Variants in POU2F1 observed in about 807,000 individuals in gnomAD.
POU2F1 encodes POU class 2 homeobox 1.
POU2F1 carries 16 observed loss-of-function variants against 84.9 expected under a neutral mutation model. The ratio of observed to expected loss-of-function variants is 0.19; its 90% CI spans 0.13 to 0.29. The LOEUF is 0.29. POU2F1 is among the 10% of genes least tolerant of loss of function. POU2F1 has a pLI of 1.00. For synonymous variants in POU2F1, 368 were observed against 368.3 expected (o/e 1.00, Z 0.01); for missense variants, 738 against 942.6 (o/e 0.78, Z 2.84).
At chr1:167,316,967 C>T (rs1223748828) in intron 1 of POU2F1, among the ~76,000 whole-genome samples, 1 of 152,194 alleles carries the variant, frequency 6.6e-6, no homozygotes, top group African/African-American at 2.4e-5. Context: ...TCTAGGCTCA[C>T]TGCAACTTCT....
chr1:167,240,528 T>A (rs1557838617), intron 1 of POU2F1, among the ~76,000 whole-genome samples: 1 of 152,214 alleles, frequency 6.6e-6, no homozygotes, highest in Non-Finnish European at 1.5e-5. Flanking sequence ...GGATTCCTGC[T>A]GTTCCTGATT....
intron 1 of POU2F1, among the ~76,000 whole-genome samples, chr1:167,259,005 C>T (rs1427996113): frequency 6.6e-6 from 1 of 152,172 alleles, no homozygotes; most frequent in Non-Finnish European, 1.5e-5. Flanking sequence ...GTTTTTATTG[C>T]TCATGTGACT....
intron 2 of POU2F1, 123 bp downstream of exon 2, chr1:167,332,658 T>C (rs1172091208): frequency 1.5e-6 from 1 of 684,654 alleles, no homozygotes; most frequent in African/African-American, 1.8e-5. Flanking sequence ...TTGTCAAATA[T>C]GATTCAGTCC....
At chr1:167,280,181 C>CT (rs1322857062) in intron 1 of POU2F1, among the ~76,000 whole-genome samples, 14 of 109,516 alleles carry the variant, frequency 1.3e-4, no homozygotes, top group African/African-American at 3.7e-4. Flanking sequence ...GAGTGATACT[C>CT]TGTCTCGGGG....
chr1:167,245,545 C>T (rs544435496), intron 1 of POU2F1, among the ~76,000 whole-genome samples: 1 of 151,860 alleles, frequency 6.6e-6, no homozygotes, highest in South Asian at 2.1e-4. Context: ...TCCCGAGTAG[C>T]TGGGATTATA....
chr1:167,228,691 G>A (rs1648823847), intron 1 of POU2F1, among the ~76,000 whole-genome samples: 1 of 152,186 alleles, frequency 6.6e-6, no homozygotes, highest in Non-Finnish European at 1.5e-5. Context: ...GCATTTCTTA[G>A]CCTGATTAGT....
intron 7 of POU2F1, among the ~76,000 whole-genome samples, chr1:167,382,481 G>A (rs916317065): frequency 3.3e-5 from 5 of 152,132 alleles, no homozygotes; most frequent in Non-Finnish European, 5.9e-5. Flanking sequence ...GTTGAGATAC[G>A]ATAGCTAGAC....
chr1:167,231,058 A>G (rs1649029711), intron 1 of POU2F1, among the ~76,000 whole-genome samples: 1 of 152,208 alleles, frequency 6.6e-6, no homozygotes, highest in South Asian at 2.1e-4. Flanking sequence ...CAGTTAATGC[A>G]CCAGAAAGGC....
chr1:167,411,874 T>G lies in POU2F1; in HGVS notation c.1556-85T>G. 14 of 1,247,928 alleles carry G rather than the reference T, an allele frequency of 1.1e-5. No homozygotes were observed. In the South Asian group the frequency reaches 2.1e-4, roughly 19 times the overall value. The allele number at this position is 1,247,928 out of a possible 1,614,324, so 77.3% of individuals were successfully genotyped here. On this transcript the variant is annotated intron_variant, in intron 13 of 15. Transcript: ENST00000367866. Reference sequence around the variant, plus strand: ...CTAGGTGGTAGGTTAATTATTCCATTGATTATAGAGTTTGGCTGAGTAAAG... The same window carrying G: ...CTAGGTGGTAGGTTAATTATTCCATGGATTATAGAGTTTGGCTGAGTAAAG...
intron 1 of POU2F1, among the ~76,000 whole-genome samples, chr1:167,242,885 T>C (rs569257680): frequency 3.0e-4 from 46 of 152,286 alleles, no homozygotes; most frequent in African/African-American, 1.1e-3. Flanking sequence ...CTATTAATCA[T>C]ACACAATGTA....
intron 1 of POU2F1, among the ~76,000 whole-genome samples, chr1:167,309,203 G>GTA (rs1553206007): frequency 6.6e-6 from 1 of 151,778 alleles, no homozygotes; most frequent in Non-Finnish European, 1.5e-5. Flanking sequence ...TGCTGTAGGG[G>GTA]TACTATTGCC....
At chr1:167,268,738 A>G (rs1652159273) in intron 1 of POU2F1, among the ~76,000 whole-genome samples, 1 of 152,194 alleles carries the variant, frequency 6.6e-6, no homozygotes, top group Non-Finnish European at 1.5e-5. Flanking sequence ...CTACAGGGGT[A>G]GAAGTGGAAG....
At chr1:167,222,813 T>C (rs561030478) in intron 1 of POU2F1, among the ~76,000 whole-genome samples, 7 of 152,350 alleles carry the variant, frequency 4.6e-5, no homozygotes, top group African/African-American at 1.4e-4. Context: ...AAATCTGTCC[T>C]GTATTTTATT....
chr1:167,400,513 A>G (rs1306058339), intron 12 of POU2F1, among the ~76,000 whole-genome samples: 1 of 152,184 alleles, frequency 6.6e-6, no homozygotes, highest in Non-Finnish European at 1.5e-5. Flanking sequence ...ACAATAAGTT[A>G]CCAGATAACC....
At chr1:167,368,781 T>C (rs1218998686) in intron 3 of POU2F1, among the ~76,000 whole-genome samples, 1 of 152,202 alleles carries the variant, frequency 6.6e-6, no homozygotes, top group African/African-American at 2.4e-5. Context: ...ATAAAGGACA[T>C]AGTAGTCAAT....
At chr1:167,231,616 A>G (rs1275369364) in intron 1 of POU2F1, among the ~76,000 whole-genome samples, 1 of 152,208 alleles carries the variant, frequency 6.6e-6, no homozygotes, top group Non-Finnish European at 1.5e-5. Context: ...TGTACTGAGC[A>G]CTGGTGGTAG....
intron 13 of POU2F1, among the ~76,000 whole-genome samples, chr1:167,404,093 A>AG (rs1211506383): frequency 6.6e-6 from 1 of 151,994 alleles, no homozygotes; most frequent in Admixed American, 6.5e-5. Flanking sequence ...GTTTCAAAGA[A>AG]GGGGCCTTTT....
At position 167,399,335 on chromosome 1, in the gene POU2F1, T is replaced by C. The variant is rs746551676; in HGVS notation, c.1419T>C (p.Ile473=). Residue 473 remains isoleucine, a synonymous_variant, in exon 12 of 16, where the codon ATT becomes ATC. Coordinates refer to ENST00000367866, the MANE Select transcript of POU2F1 (RefSeq NM_002697.4). ...PSSGGTSSSP[I]KAIFPSPTSL... is the part of the protein sequence containing the mutation. The stretch of plus-strand genomic sequence containing the variant: ...GTGGTGGGACCAGCAGCTCACCTAT[T>C]AAAGCAATTTTCCCCAGCCCAACTT... 1 of 1,613,292 alleles carries C rather than the reference T, an allele frequency of 6.2e-7. No homozygotes were observed. The highest frequency in any genetic ancestry group is 1.3e-5 in the African/African-American group (1 of 74,882).
intron 1 of POU2F1, among the ~76,000 whole-genome samples, chr1:167,325,667 G>A (rs949634375): frequency 1.2e-4 from 18 of 152,170 alleles, no homozygotes; most frequent in Admixed American, 7.8e-4. Flanking sequence ...CAAGGTGGGC[G>A]AATCACGAGG....
Sources: allele counts gnomAD v4.1 joint callset (sites outside exome capture counted in the v4.1 genomes callset), GRCh38; gene constraint gnomAD v4.1.1; transcripts MANE v1.5; gene names NCBI Gene and HGNC (gene_info 2026-07-23, HGNC 2026-07-21).